Variants in CBY2 observed in about 807,000 individuals in gnomAD.
The protein encoded by CBY2 is protein chibby homolog 2.
In CBY2, 23 loss-of-function variants were observed where a neutral mutation model predicts 25.3. That is an observed-to-expected ratio of 0.91 (90% CI 0.65 to 1.29). The LOEUF (loss-of-function observed/expected upper bound fraction) is 1.29. Ranked by LOEUF, CBY2 falls within the 50% of genes most tolerant of loss-of-function variation. The probability of loss-of-function intolerance (pLI) is 0.00; values close to 1 mark genes in which losing one functional copy is unlikely to be tolerated. For synonymous variants in CBY2, 279 were observed against 260.2 expected, an observed-to-expected ratio of 1.07 and a Z score of -0.70; for missense variants, 642 against 590.7, an observed-to-expected ratio of 1.09 and a Z score of -0.90.
At chr13:45,708,398 A>T (rs1254026807) in intron 2 of CBY2, among the ~76,000 whole-genome samples, 1 of 152,132 alleles carries the variant, frequency 6.6e-6, no homozygotes, top group Non-Finnish European at 1.5e-5. Flanking sequence ...GGTGCTATTC[A>T]CTGATTCTTC....
rs1255489147 is a variant in CBY2, at chr13:45,704,337, T to A, written c.156+1482T>A. ...GGAGGACCTGGTGCTGCTGCTGGGG[T>A]CTTGTGGGGCAGAGTGGGTGAAGAA... On this transcript the variant is annotated intron_variant, in intron 2 of 2. Coordinates refer to ENST00000310521, the MANE Select transcript of CBY2 (RefSeq NM_152719.3). This position sits in a 1 kb window ranked among gnomAD's most constrained non-coding sequence, Gnocchi z 4.1. 6.6e-6 allele frequency among the ~76,000 whole-genome samples: 1 copy of A among 151,914 alleles called. No homozygotes were observed. The highest frequency in any genetic ancestry group is 2.4e-5 in the African/African-American group (1 of 41,330).
chr13:45,709,107 G>A (rs1329974802), intron 2 of CBY2, among the ~76,000 whole-genome samples: 1 of 152,214 alleles, frequency 6.6e-6, no homozygotes, highest in Non-Finnish European at 1.5e-5. Flanking sequence ...GTTAGGCCAA[G>A]AGAGCACTTA....
At position 45,702,810 on chromosome 13, in the gene CBY2, C is replaced by T. The variant is rs1199103953; in HGVS notation, c.111C>T (p.Thr37=). 5.0e-6 allele frequency: 8 copies of T among 1,613,948 alleles called. No individual in the cohort carries two copies. In the Admixed American group the frequency reaches 8.3e-5, roughly 17 times the overall value. The change falls in exon 2 of 3, where the codon ACC becomes ACT. Residue 37 remains threonine (T), a synonymous_variant. Coordinates refer to ENST00000310521, the MANE Select transcript of CBY2 (RefSeq NM_152719.3). ...CAAATTATACAAGAAAAAGAGATAC[C>T]AGATCTGAAAGCCTAGAAATTCCAA... ...SRPNYTRKRD[T]RSESLEIPIS... is the part of the protein sequence containing the mutation.
intron 2 of CBY2, chr13:45,703,593 T>A (rs1950223578): frequency 3.9e-6 from 6 of 1,550,344 alleles, no homozygotes; most frequent in Non-Finnish European, 5.2e-6. Flanking sequence ...AATGCAGAGG[T>A]AACTATCTGA....
At chr13:45,703,416 C>T in intron 2 of CBY2, 1 of 1,501,418 alleles carries the variant, frequency 6.7e-7, no homozygotes, top group Non-Finnish European at 8.9e-7. Flanking sequence ...CAGGTCTCCT[C>T]CTGCCTGCAA....
intron 2 of CBY2, chr13:45,703,491 G>C: frequency 6.5e-7 from 1 of 1,549,908 alleles, no homozygotes; most frequent in African/African-American, 1.4e-5. Flanking sequence ...GTCACAAAGG[G>C]GTGGCTTTGC....
chr13:45,709,704 C>T (rs1049447822), intron 2 of CBY2, among the ~76,000 whole-genome samples: 1 of 152,128 alleles, frequency 6.6e-6, no homozygotes, highest in African/African-American at 2.4e-5. Context: ...CAAGTGTGGC[C>T]TTGATTTGAT....
intron 2 of CBY2, among the ~76,000 whole-genome samples, chr13:45,707,654 T>C (rs1401740618): frequency 1.3e-5 from 2 of 152,188 alleles, no homozygotes; most frequent in Non-Finnish European, 2.9e-5. Flanking sequence ...TGCAACTTAC[T>C]CATATGGGGA....
Position 45,702,484 on chromosome 13 carries a change from G to C in CBY2, c.75+19G>C, listed in dbSNP as rs1439457601. 6.9e-6 allele frequency: 11 copies of C among 1,605,006 alleles called. No homozygotes were observed. Among genetic ancestry groups the C allele is most frequent in the Non-Finnish European group, 9.4e-6 (11 of 1,171,754 alleles). ...CACATTGGTATGGCTTTTTACTTGA[G>C]ATAGAAATAATCATCTTAGACAGGG... On this transcript the variant is annotated intron_variant, in intron 1 of 2. Coordinates refer to ENST00000310521, the MANE Select transcript of CBY2 (RefSeq NM_152719.3).
chr13:45,703,794 C>T (rs560273692), intron 2 of CBY2, among the ~76,000 whole-genome samples: 1 of 152,214 alleles, frequency 6.6e-6, no homozygotes, highest in African/African-American at 2.4e-5. Flanking sequence ...TACTTTTAGC[C>T]CATGAATCTT....
Position 45,714,489 on chromosome 13 carries a change from G to A in CBY2, c.*117G>A. ...CCAGCCAGTTCGTACCTATTGAAAA[G>A]CAGCGTTAGCAGCCTTCCTAAACTC... On this transcript the variant is annotated 3_prime_UTR_variant, in exon 3 of 3. Coordinates refer to ENST00000310521, the MANE Select transcript of CBY2 (RefSeq NM_152719.3). The A allele has an allele frequency of 1.2e-6, 1 of 851,566 alleles. No homozygotes were observed. The highest frequency in any genetic ancestry group is 2.1e-5 in the South Asian group (1 of 47,234). The allele number at this position is 851,566 out of a possible 1,614,324, so 52.8% of individuals were successfully genotyped here.
intron 2 of CBY2, among the ~76,000 whole-genome samples, chr13:45,711,846 T>C (rs149332134): frequency 7.9e-5 from 12 of 152,380 alleles, no homozygotes; most frequent in African/African-American, 2.9e-4. Flanking sequence ...GGTCCTTGAC[T>C]GGCTTTATCA....
chr13:45,702,670 A>G (rs41284145), intron 1 of CBY2, 105 bp from the exon 2 acceptor site: 16,310 of 987,700 alleles, frequency 0.017, 172 homozygotes, highest in Non-Finnish European at 0.02. Context: ...ATAATTGACA[A>G]GAGAGAAATA....
chr13:45,706,821 A>G lies in CBY2; in HGVS notation c.156+3966A>G, dbSNP rs193093792. Among the ~76,000 whole-genome samples the G allele has an allele frequency of 3.8e-3, 577 of 152,290 alleles. 6 individuals are homozygous for G. Among genetic ancestry groups the G allele is most frequent in the African/African-American group, 0.012 (506 of 41,558 alleles). On this transcript the variant is annotated intron_variant, in intron 2 of 2. Transcript: ENST00000310521. ...TACCACTGGTCGAGGAGTCCTACTG[A>G]GAAGGAACTGGCTTCTAACATAGGC...
intron 2 of CBY2, chr13:45,703,669 T>G (rs1950224234): frequency 1.6e-6 from 2 of 1,270,526 alleles, no homozygotes; most frequent in East Asian, 5.1e-5. Flanking sequence ...TATATAATTG[T>G]AACAATCTAG....
chr13:45,707,178 C>T (rs773410589), intron 2 of CBY2, among the ~76,000 whole-genome samples: 1 of 152,030 alleles, frequency 6.6e-6, no homozygotes, highest in Non-Finnish European at 1.5e-5. Flanking sequence ...GGGCGTTTAC[C>T]CTCGTTGGAT....
intron 2 of CBY2, among the ~76,000 whole-genome samples, chr13:45,705,035 C>T (rs559340990): frequency 6.6e-6 from 1 of 152,342 alleles, no homozygotes; most frequent in Admixed American, 6.5e-5. Flanking sequence ...CTGCCTCTGG[C>T]TCCCAGCTGC....
chr13:45,709,678 T>G (rs545673291), intron 2 of CBY2, among the ~76,000 whole-genome samples: 15 of 152,190 alleles, frequency 9.9e-5, no homozygotes, highest in South Asian at 4.1e-4. Flanking sequence ...TGGAATCAGG[T>G]TGAGGCCTGG....
Position 45,713,670 on chromosome 13 carries a change from CT to C in CBY2, c.646del (p.Ser216ArgfsTer14), listed in dbSNP as rs1950289792. On this transcript the variant is annotated frameshift_variant, in exon 3 of 3. Coordinates refer to ENST00000310521, the MANE Select transcript of CBY2 (RefSeq NM_152719.3). LOFTEE classifies it low-confidence loss of function (END_TRUNC). The surrounding 1 kb of genome is among the most constrained non-coding windows in gnomAD (Gnocchi z 5.0). ...SLGREESRAP[S>X]PLLHKDSASL... Reference sequence around the variant, plus strand: ...TGGGCCGAGAGGAGAGCCGGGCCCCCTCGCCACTGCTGCACAAAGACAGCGC... The same window carrying C: ...TGGGCCGAGAGGAGAGCCGGGCCCCCCGCCACTGCTGCACAAAGACAGCGC... 6.2e-7 allele frequency: 1 copy of C among 1,612,798 alleles called. No homozygotes were observed. The highest frequency in any genetic ancestry group is 8.5e-7 in the Non-Finnish European group (1 of 1,179,980).
Sources: allele counts gnomAD v4.1 joint callset (sites outside exome capture counted in the v4.1 genomes callset), GRCh38; gene constraint gnomAD v4.1.1; non-coding constraint Gnocchi (gnomAD v3.1); transcripts MANE v1.5; gene names NCBI Gene and HGNC (gene_info 2026-07-23, HGNC 2026-07-21).